The following FSTL5 variants were observed in gnomAD, a reference collection of about 807,000 sequenced individuals.
FSTL5 encodes the protein follistatin like 5.
FSTL5 carries 62 observed loss-of-function variants against 89.1 expected under a neutral mutation model. That is an observed-to-expected ratio of 0.70 (90% CI 0.57 to 0.86). The LOEUF (loss-of-function observed/expected upper bound fraction) is 0.86, where lower values mean the gene tolerates loss of function less well. FSTL5 is among the 40% of genes least tolerant of loss of function. FSTL5 has a pLI of 0.00. For synonymous variants in FSTL5, 383 were observed against 346.2 expected, an observed-to-expected ratio of 1.11 and a Z score of -1.18; for missense variants, 1,057 against 1,001.6, an observed-to-expected ratio of 1.06 and a Z score of -0.75.
intron 2 of FSTL5, among the ~76,000 whole-genome samples, chr4:162,035,581 G>A (rs1356339862): frequency 1.3e-5 from 2 of 152,004 alleles, no homozygotes; most frequent in Non-Finnish European, 1.5e-5. Context: ...GCAGTAATAG[G>A]AGCCAGACAG....
At chr4:161,759,264 T>C in intron 6 of FSTL5, 147 bp downstream of exon 6, 2 of 658,286 alleles carry the variant, frequency 3.0e-6, no homozygotes, top group Non-Finnish European at 4.8e-6. Context: ...TTCATATGTT[T>C]CAATACAACT....
chr4:161,736,747 G>C (rs115765855), intron 6 of FSTL5, among the ~76,000 whole-genome samples: 1 of 152,116 alleles, frequency 6.6e-6, no homozygotes, highest in Admixed American at 6.6e-5. Context: ...ATTAGAGGCA[G>C]TTAAAAACAG....
chr4:161,401,243 C>T (rs1458061683), intron 15 of FSTL5, among the ~76,000 whole-genome samples: 1 of 152,110 alleles, frequency 6.6e-6, no homozygotes, highest in Non-Finnish European at 1.5e-5. Flanking sequence ...AATTTAGTAG[C>T]CTTTCTCTGA....
At chr4:161,538,598 T>G (rs1376095173) in intron 9 of FSTL5, among the ~76,000 whole-genome samples, 8 of 152,156 alleles carry the variant, frequency 5.3e-5, no homozygotes, top group Admixed American at 5.2e-4. Flanking sequence ...ATAATTTCAT[T>G]TATATATTTA....
chr4:162,109,707 G>A (rs1731362360), intron 2 of FSTL5, among the ~76,000 whole-genome samples: 1 of 151,884 alleles, frequency 6.6e-6, no homozygotes, highest in Non-Finnish European at 1.5e-5. Flanking sequence ...TTTAGCAAGG[G>A]AACAATCAGA....
At chr4:162,055,371 T>A (rs1273496145) in intron 2 of FSTL5, among the ~76,000 whole-genome samples, 1 of 151,658 alleles carries the variant, frequency 6.6e-6, no homozygotes, top group Non-Finnish European at 1.5e-5. Context: ...ACCATTATAA[T>A]AGTAATACTA....
At chr4:161,663,967 A>G (rs1736801368) in intron 6 of FSTL5, among the ~76,000 whole-genome samples, 1 of 152,176 alleles carries the variant, frequency 6.6e-6, no homozygotes, top group South Asian at 2.1e-4. Flanking sequence ...CACTCTCTGA[A>G]TCCACAGCCC....
intron 4 of FSTL5, among the ~76,000 whole-genome samples, chr4:161,891,462 A>T (rs1579172438): frequency 1.3e-5 from 2 of 152,218 alleles, no homozygotes; most frequent in Non-Finnish European, 1.5e-5. Flanking sequence ...CAGTTTACCC[A>T]TCTGGTTTCA....
intron 1 of FSTL5, among the ~76,000 whole-genome samples, chr4:162,153,656 T>TATATA (rs1386400745): frequency 8.8e-6 from 1 of 113,956 alleles, no homozygotes; most frequent in African/African-American, 3.2e-5. Context: ...ATTATATATG[T>TATATA]ATATAATATA....
intron 8 of FSTL5, among the ~76,000 whole-genome samples, chr4:161,550,066 G>C (rs141613437): frequency 7.4e-4 from 113 of 151,934 alleles, no homozygotes; most frequent in African/African-American, 2.6e-3. Flanking sequence ...TATTAAACTA[G>C]CTTCATGTTA....
intron 4 of FSTL5, among the ~76,000 whole-genome samples, chr4:161,841,801 G>T (rs1240723246): frequency 1.3e-5 from 2 of 152,144 alleles, no homozygotes; most frequent in African/African-American, 4.8e-5. Context: ...ATATTTTATT[G>T]TTTATTCCAC....
intron 3 of FSTL5, among the ~76,000 whole-genome samples, chr4:161,945,569 T>C (rs549359846): frequency 1.2e-3 from 181 of 152,248 alleles, no homozygotes; most frequent in African/African-American, 3.5e-3. Flanking sequence ...CTGTTCAATA[T>C]GGTAAAACCC....
intron 1 of FSTL5, among the ~76,000 whole-genome samples, chr4:162,112,066 A>G (rs917412912): frequency 7.2e-5 from 11 of 152,310 alleles, no homozygotes; most frequent in African/African-American, 2.4e-4. Context: ...AAGTTGTAAA[A>G]TGGCATAAAC....
intron 6 of FSTL5, among the ~76,000 whole-genome samples, chr4:161,692,426 C>A (rs1016971101): frequency 6.6e-6 from 1 of 151,744 alleles, no homozygotes; most frequent in Non-Finnish European, 1.5e-5. Context: ...TTACTTGTAT[C>A]GCCTTTTATG....
At chr4:161,619,754 G>T (rs1308722251) in intron 7 of FSTL5, among the ~76,000 whole-genome samples, 2 of 152,044 alleles carry the variant, frequency 1.3e-5, no homozygotes, top group Non-Finnish European at 2.9e-5. Flanking sequence ...CTGTAAACTA[G>T]TTCAACCATT....
At chr4:161,741,069 T>C (rs942298982) in intron 6 of FSTL5, among the ~76,000 whole-genome samples, 1 of 152,206 alleles carries the variant, frequency 6.6e-6, no homozygotes, top group African/African-American at 2.4e-5. Context: ...TCTCCTATTG[T>C]CATCACACTG....
At chr4:161,669,564 G>A (rs1157136554) in intron 6 of FSTL5, among the ~76,000 whole-genome samples, 1 of 151,902 alleles carries the variant, frequency 6.6e-6, no homozygotes. Flanking sequence ...TAAACAAATT[G>A]TTCTGAAACA....
rs1730723280 is a variant in FSTL5 at position 161,388,672 on chromosome 4, A to G, written c.1842-2223T>C. On this transcript the variant is annotated intron_variant, in intron 15 of 15. Coordinates refer to ENST00000306100, the MANE Select transcript of FSTL5 (RefSeq NM_020116.5). ...ATGTTGAAAAATATCCTTCTGTTAT[A>G]ATTTGTACATGAGCTCAGAGGAAAA... is the stretch of plus-strand genomic sequence containing the variant. Among the ~76,000 whole-genome samples the G allele has an allele frequency of 5.3e-5, 8 of 152,190 alleles. No homozygotes were observed. The South Asian group carries it at 1.5e-3, about 28-fold the overall frequency.
At position 162,143,539 on chromosome 4, in the gene FSTL5, T is replaced by A. The variant is rs564274327; in HGVS notation, c.-17+20076A>T. On this transcript the variant is annotated intron_variant, in intron 1 of 15. Transcript: ENST00000306100. Reference sequence around the variant, plus strand: ...AAATTAGCATCATTATCAATTTAAATGTCCAAAGCATATTATTTTCTGTTT... The same window carrying A: ...AAATTAGCATCATTATCAATTTAAAAGTCCAAAGCATATTATTTTCTGTTT... 5.8e-4 allele frequency among the ~76,000 whole-genome samples: 88 copies of A among 152,260 alleles called. No homozygotes were observed. The South Asian group carries it at 0.018, about 31-fold the overall frequency.
Sources: gnomAD v4.1 joint callset for allele counts (sites outside exome capture counted in the v4.1 genomes callset) on GRCh38, gnomAD v4.1.1 for gene constraint, MANE v1.5 for transcripts, NCBI Gene and HGNC (gene_info 2026-07-23, HGNC 2026-07-21) for gene names.